The following TNPO1 variants were observed in gnomAD, a reference collection of about 807,000 sequenced individuals.
TNPO1 encodes transportin 1, also known as transportin-1.
Under a neutral mutation model 119.5 loss-of-function variants are expected in TNPO1, and 8 were observed. The ratio of observed to expected loss-of-function variants is 0.07; its 90% CI spans 0.04 to 0.12. TNPO1 has a LOEUF of 0.12. Ranked by LOEUF, TNPO1 falls within the 10% of genes least tolerant of loss-of-function variation. The pLI, the probability that TNPO1 is intolerant of heterozygous loss-of-function variation, is 1.00. For synonymous variants in TNPO1, 362 were observed against 363.0 expected (o/e 1.00, Z 0.03); for missense variants, 576 against 1,089.8 (o/e 0.53, Z 6.64).
At chr5:72,908,628 TTTGA>T (rs1750342697) in intron 24 of TNPO1, 77 bp from the exon 25 acceptor site, 1 of 157,002 alleles carries the variant, frequency 6.4e-6, no homozygotes, top group Non-Finnish European at 1.4e-5. Flanking sequence ...AGCATTCTTA[TTTGA>T]TTAATTTTTT....
At chr5:72,831,209 C>T (rs879270677) in intron 1 of TNPO1, among the ~76,000 whole-genome samples, 2 of 152,030 alleles carry the variant, frequency 1.3e-5, no homozygotes, top group Non-Finnish European at 2.9e-5. Flanking sequence ...GCAGAAGTCT[C>T]AAGAACCATT....
chr5:72,897,248 C>T (rs1370051768), intron 20 of TNPO1, 97 bp downstream of exon 20: 4 of 774,494 alleles, frequency 5.2e-6, no homozygotes, highest in Non-Finnish European at 8.1e-6. Context: ...CTTTTAAAAT[C>T]GAGCTTATTT....
chr5:72,887,929 TA>T, intron 12 of TNPO1, 148 bp from the exon 13 acceptor site: 1 of 743,056 alleles, frequency 1.3e-6, no homozygotes, highest in Non-Finnish European at 2.1e-6. Context: ...TTCAGGGTTT[TA>T]AAAATAATTT....
chr5:72,826,455 T>C (rs1276340735), intron 1 of TNPO1, among the ~76,000 whole-genome samples: 2 of 152,216 alleles, frequency 1.3e-5, no homozygotes, highest in Non-Finnish European at 2.9e-5. Context: ...TTACACTATG[T>C]ATTTTATTCT....
intron 20 of TNPO1, among the ~76,000 whole-genome samples, chr5:72,898,762 A>G (rs1362513411): frequency 6.6e-6 from 1 of 152,116 alleles, no homozygotes; most frequent in Non-Finnish European, 1.5e-5. Context: ...TTTAATGAGA[A>G]TGTTGCATAG....
chr5:72,882,844 G>T (rs1263992431), intron 10 of TNPO1, among the ~76,000 whole-genome samples: 1 of 152,110 alleles, frequency 6.6e-6, no homozygotes, highest in African/African-American at 2.4e-5. Flanking sequence ...CATGTAGTTG[G>T]CTGAAAGGGC....
At chr5:72,907,194 C>G (rs1291604038) in intron 24 of TNPO1, among the ~76,000 whole-genome samples, 1 of 152,068 alleles carries the variant, frequency 6.6e-6, no homozygotes, top group Admixed American at 6.6e-5. Flanking sequence ...TGGAAAAGTG[C>G]TGGATTCACC....
At chr5:72,864,138 T>A (rs573658557) in intron 5 of TNPO1, among the ~76,000 whole-genome samples, 77 of 149,252 alleles carry the variant, frequency 5.2e-4, no homozygotes, top group East Asian at 1.6e-3. Flanking sequence ...AAAGCTTTTT[T>A]AAAAAAAAAA....
Position 72,855,204 on chromosome 5 carries a change from C to T in TNPO1, c.206-570C>T, listed in dbSNP as rs117734618. 6.7e-3 allele frequency among the ~76,000 whole-genome samples: 1,021 copies of T among 151,756 alleles called. 29 individuals carry two copies. In the East Asian group the frequency reaches 0.091, roughly 13 times the overall value. On this transcript the variant is annotated intron_variant, in intron 3 of 24. Transcript: ENST00000337273. ...AGATACGGGGTTTCACCATGTAGGCCGGTCTGGTCTCGAACTCCTGGCCTT... is the reference window on the plus strand; with the variant it reads ...AGATACGGGGTTTCACCATGTAGGCTGGTCTGGTCTCGAACTCCTGGCCTT...
intron 6 of TNPO1, among the ~76,000 whole-genome samples, chr5:72,866,875 A>G (rs1187418051): frequency 1.3e-5 from 2 of 152,130 alleles, no homozygotes; most frequent in Admixed American, 6.5e-5. Flanking sequence ...TCATTTGATT[A>G]AAATGTTAGG....
At chr5:72,817,625 T>A (rs1743758707) in intron 1 of TNPO1, among the ~76,000 whole-genome samples, 1 of 152,220 alleles carries the variant, frequency 6.6e-6, no homozygotes, top group African/African-American at 2.4e-5. Context: ...AAATTGATTT[T>A]GACAGCTGTA....
chr5:72,853,718 T>TA (rs925672525), intron 3 of TNPO1, among the ~76,000 whole-genome samples: 6 of 152,228 alleles, frequency 3.9e-5, no homozygotes, highest in South Asian at 2.1e-4. Context: ...TTTTCCATTT[T>TA]AAAAAAATCT....
chr5:72,892,486 G>T (rs1278310608), intron 15 of TNPO1, among the ~76,000 whole-genome samples: 52 of 151,994 alleles, frequency 3.4e-4, no homozygotes, highest in Non-Finnish European at 6.5e-4. Flanking sequence ...AATTTTCTAT[G>T]ACCAAGAGCA....
chr5:72,857,276 C>T (rs760206094), intron 4 of TNPO1, among the ~76,000 whole-genome samples: 4 of 151,856 alleles, frequency 2.6e-5, no homozygotes, highest in Non-Finnish European at 4.4e-5. Flanking sequence ...TGAGATCACG[C>T]CATTGCACTG....
chr5:72,877,434 T>G (rs1747878661), intron 9 of TNPO1, 88 bp downstream of exon 9: 1 of 709,206 alleles, frequency 1.4e-6, no homozygotes, highest in African/African-American at 1.8e-5. Flanking sequence ...TTCATTCTTT[T>G]GCCATCAGGG....
chr5:72,819,502 A>G (rs1743850065), intron 1 of TNPO1, among the ~76,000 whole-genome samples: 1 of 152,174 alleles, frequency 6.6e-6, no homozygotes, highest in Non-Finnish European at 1.5e-5. Flanking sequence ...CAAATGAGAT[A>G]TTGAAATGGG....
Position 72,882,500 on chromosome 5 carries a change from C to T in TNPO1, c.954C>T (p.Tyr318=). ...LIPVLVNGMK[Y]SDIDIILLKG... ...CTGTGTTAGTGAATGGCATGAAGTACTCAGACATAGATATTATCCTACTTA... is the reference window on the plus strand; with the variant it reads ...CTGTGTTAGTGAATGGCATGAAGTATTCAGACATAGATATTATCCTACTTA... The change falls in exon 10 of 25, where the codon TAC becomes TAT. Residue 318 remains tyrosine, a synonymous_variant. Transcript: ENST00000337273. 1 of 1,609,914 alleles carries T rather than the reference C, an allele frequency of 6.2e-7. No individual in the cohort carries two copies. The highest frequency in any genetic ancestry group is 1.1e-5 in the South Asian group (1 of 90,284).
chr5:72,891,812 A>G lies in TNPO1; in HGVS notation c.1704A>G (p.Glu568=), dbSNP rs757497379. 13 of 1,600,008 alleles carry G rather than the reference A, an allele frequency of 8.1e-6. No homozygotes were observed. The highest frequency in any genetic ancestry group is 1.1e-5 in the Non-Finnish European group (13 of 1,170,510). The change falls in exon 15 of 25, where the codon GAA becomes GAG. Residue 568 remains glutamate, a splice_region_variant and synonymous_variant. Transcript: ENST00000337273. ...DSVGHHLNKP[E]YIQMLMPPLI... ...ATGTTTTTCATCATTGTAAATAGGA[A>G]TATATTCAGATGCTAATGCCTCCAC...
At chr5:72,852,362 A>G (rs1745647387) in intron 3 of TNPO1, among the ~76,000 whole-genome samples, 1 of 152,200 alleles carries the variant, frequency 6.6e-6, no homozygotes, top group African/African-American at 2.4e-5. Flanking sequence ...CAGGCTCAGG[A>G]GAGAAAGGTG....
Sources: allele counts gnomAD v4.1 joint callset (sites outside exome capture counted in the v4.1 genomes callset), GRCh38; gene constraint gnomAD v4.1.1; transcripts MANE v1.5; gene names NCBI Gene and HGNC (gene_info 2026-07-23, HGNC 2026-07-21).